FNDC3A: variants seen among roughly 807,000 people sequenced by gnomAD.
FNDC3A encodes the protein fibronectin type-III domain-containing protein 3A.
In FNDC3A, 32 loss-of-function variants were observed where a neutral mutation model predicts 148.9. That is an observed-to-expected ratio of 0.21 (90% confidence interval 0.16 to 0.29). The LOEUF (loss-of-function observed/expected upper bound fraction) is 0.29, where lower values mean the gene tolerates loss of function less well. FNDC3A is among the 10% of genes least tolerant of loss of function. The pLI is 1.00. For synonymous variants in FNDC3A, 472 were observed against 473.6 expected, an observed-to-expected ratio of 1.00 and a Z score of 0.04; for missense variants, 1,191 against 1,452.8, an observed-to-expected ratio of 0.82 and a Z score of 2.93.
intron 2 of FNDC3A, chr13:49,044,815 A>G (rs1280769519): frequency 1.2e-5 from 5 of 409,226 alleles, no homozygotes; most frequent in East Asian, 6.9e-5. Context: ...CATTTTTTCA[A>G]TACTTTTTGT....
intron 2 of FNDC3A, among the ~76,000 whole-genome samples, chr13:49,055,539 T>A (rs1270254911): frequency 1.3e-5 from 2 of 152,146 alleles, no homozygotes; most frequent in Non-Finnish European, 2.9e-5. Flanking sequence ...TAATCTTTAT[T>A]CTCTGAAGCC....
chr13:49,066,786 C>A (rs1301304768), intron 2 of FNDC3A, among the ~76,000 whole-genome samples: 2 of 151,524 alleles, frequency 1.3e-5, no homozygotes, highest in Non-Finnish European at 2.9e-5. Context: ...TGGTGGTTTG[C>A]TGCACCCATC....
intron 1 of FNDC3A, among the ~76,000 whole-genome samples, chr13:48,991,578 C>T (rs934982749): frequency 6.6e-6 from 1 of 151,910 alleles, no homozygotes; most frequent in East Asian, 1.9e-4. Flanking sequence ...GACCCAGCTA[C>T]TAGGAAGGCT....
intron 7 of FNDC3A, among the ~76,000 whole-genome samples, chr13:49,142,899 A>C (rs921042342): frequency 1.4e-4 from 21 of 152,156 alleles, no homozygotes; most frequent in African/African-American, 4.6e-4. Context: ...TTGCTCTTTC[A>C]CCCAGGCTGG....
At chr13:49,038,904 C>T (rs2137681018) in intron 2 of FNDC3A, among the ~76,000 whole-genome samples, 1 of 150,706 alleles carries the variant, frequency 6.6e-6, no homozygotes, top group Admixed American at 6.6e-5. Flanking sequence ...TTTTTTTTTG[C>T]AAAAATATAG....
rs1176322004 is a variant in FNDC3A, at chr13:48,997,047, G to A, written c.-39-9105G>A. On this transcript the variant is annotated intron_variant, in intron 1 of 25. Transcript: ENST00000492622. ...CATTGCACTCCAGCTTGGGTAACAA[G>A]AGCGAGACTCCGTCTCAAGAAAAAA... 2.7e-5 allele frequency among the ~76,000 whole-genome samples: 4 copies of A among 150,110 alleles called. No homozygotes were observed. In the East Asian group the frequency reaches 7.8e-4, roughly 29 times the overall value.
At chr13:49,034,087 G>T (rs1874324910) in intron 2 of FNDC3A, among the ~76,000 whole-genome samples, 1 of 151,774 alleles carries the variant, frequency 6.6e-6, no homozygotes. Context: ...TACCATGAAG[G>T]TAAAATATGC....
rs180755460 is a variant in FNDC3A at position 49,120,834 on chromosome 13, G to C, written c.252+6103G>C. The stretch of plus-strand genomic sequence containing the variant: ...TATGAACCCAATACAGGAGCACCCA[G>C]ATTTATAAAGCAAGTTCTTAGAGAC... On this transcript the variant is annotated intron_variant, in intron 4 of 25. Transcript: ENST00000492622. 2.6e-5 allele frequency among the ~76,000 whole-genome samples: 4 copies of C among 152,292 alleles called. No homozygotes were observed. In the East Asian group the frequency reaches 7.7e-4, roughly 29 times the overall value.
intron 13 of FNDC3A, among the ~76,000 whole-genome samples, chr13:49,175,871 A>G (rs1055699752): frequency 3.3e-5 from 5 of 152,166 alleles, no homozygotes; most frequent in African/African-American, 7.2e-5. Flanking sequence ...GATACATTCC[A>G]TCAGTACCTA....
intron 1 of FNDC3A, among the ~76,000 whole-genome samples, chr13:48,993,352 ACT>A (rs1274315981): frequency 6.6e-6 from 1 of 152,100 alleles, no homozygotes; most frequent in Non-Finnish European, 1.5e-5. Flanking sequence ...TGAGTCAGAA[ACT>A]CTGTATGTGT....
At position 49,188,686 on chromosome 13, in the gene FNDC3A, G is replaced by A. The variant is rs895900502; in HGVS notation, c.1944+53G>A. 4 of 1,127,744 alleles carry A rather than the reference G, an allele frequency of 3.5e-6. No individual in the cohort carries two copies. In the African/African-American group the frequency reaches 4.6e-5, roughly 13 times the overall value. 69.9% of individuals were successfully genotyped at this position (1,127,744 alleles called of 1,614,324 possible). ...GTTGTTATTAAGTTTGGCCAAATGG[G>A]GTAGGATCACCAGGTGCCACTTCAA... is the stretch of plus-strand genomic sequence containing the variant. On this transcript the variant is annotated intron_variant, in intron 17 of 25. Transcript: ENST00000492622.
intron 3 of FNDC3A, among the ~76,000 whole-genome samples, chr13:49,078,310 A>G (rs993681721): frequency 1.3e-5 from 2 of 152,144 alleles, no homozygotes; most frequent in African/African-American, 4.8e-5. Context: ...GGTCAGGACC[A>G]AAAAAGCCTA....
chr13:49,081,354 T>C (rs988721258), intron 3 of FNDC3A, among the ~76,000 whole-genome samples: 7 of 152,212 alleles, frequency 4.6e-5, no homozygotes, highest in African/African-American at 7.2e-5. Context: ...CCTTCAAATA[T>C]TATGTTTTAG....
chr13:48,980,206 A>G (rs1285455014), intron 1 of FNDC3A, among the ~76,000 whole-genome samples: 1 of 152,204 alleles, frequency 6.6e-6, no homozygotes, highest in Non-Finnish European at 1.5e-5. Flanking sequence ...TACAGTGAAA[A>G]TAGCTACACA....
chr13:48,982,755 T>G (rs534662302), intron 1 of FNDC3A, among the ~76,000 whole-genome samples: 2 of 152,312 alleles, frequency 1.3e-5, no homozygotes, highest in Admixed American at 6.5e-5. Context: ...CTTTGTGATA[T>G]AGTGTAGAGA....
Position 49,196,915 on chromosome 13 carries a change from C to G in FNDC3A, c.2265C>G (p.Ala755=). 1 of 1,610,726 alleles carries G rather than the reference C, an allele frequency of 6.2e-7. No homozygotes were observed. Among genetic ancestry groups the G allele is most frequent in the Non-Finnish European group, 8.5e-7 (1 of 1,178,884 alleles). ...CAGAAAAATGTGATATTACTACAGC[C>G]CCTGGGCCACCAGATCAGTGCAAGC... ...PFSEKCDITT[A]PGPPDQCKPP... Residue 755 remains alanine, a synonymous_variant, in exon 20 of 26, where the codon GCC becomes GCG. Transcript: ENST00000492622.
intron 2 of FNDC3A, among the ~76,000 whole-genome samples, chr13:49,038,564 G>T (rs1593503343): frequency 6.6e-6 from 1 of 152,282 alleles, no homozygotes; most frequent in East Asian, 1.9e-4. Flanking sequence ...TCAAAATTGT[G>T]AGAAAATAAA....
chr13:49,060,530 G>A (rs1876593821), intron 2 of FNDC3A, among the ~76,000 whole-genome samples: 1 of 151,474 alleles, frequency 6.6e-6, no homozygotes, highest in Non-Finnish European at 1.5e-5. Context: ...AGTGGTCCCA[G>A]CTACTCGGGA....
At chr13:49,152,948 T>G (rs1236950675) in intron 8 of FNDC3A, among the ~76,000 whole-genome samples, 7 of 149,900 alleles carry the variant, frequency 4.7e-5, no homozygotes, top group African/African-American at 1.7e-4. Context: ...TTCCAAGTCT[T>G]TGCTATTGTG....
Sources: gnomAD v4.1 joint callset for allele counts (sites outside exome capture counted in the v4.1 genomes callset) on GRCh38, gnomAD v4.1.1 for gene constraint, MANE v1.5 for transcripts, NCBI Gene and HGNC (gene_info 2026-07-23, HGNC 2026-07-21) for gene names.